The following LY6H variants were observed in gnomAD, a reference collection of about 807,000 sequenced individuals.
The protein encoded by LY6H is lymphocyte antigen 6H.
In LY6H, 8 loss-of-function variants were observed where a neutral mutation model predicts 14.6. The observed-to-expected ratio is 0.55, with a 90% CI of 0.32 to 0.99. The LOEUF (loss-of-function observed/expected upper bound fraction) is 0.99, where lower values mean the gene tolerates loss of function less well. Among genes scored for constraint, LY6H ranks in the 50% least tolerant of loss-of-function variants. The pLI is 0.04. For missense variants in LY6H, 196 were observed against 219.6 expected, an observed-to-expected ratio of 0.89 and a Z score of 0.68; for synonymous variants, 115 against 97.2, an observed-to-expected ratio of 1.18 and a Z score of -1.08.
intron 1 of LY6H, 190 bp downstream of exon 1, chr8:143,160,008 C>A (rs2130626342): frequency 2.5e-6 from 3 of 1,214,098 alleles, no homozygotes; most frequent in Non-Finnish European, 3.1e-6. Flanking sequence ...CAGGAATGAG[C>A]GGCAGGGGCG....
rs1335514719 is a variant in LY6H at position 143,160,225 on chromosome 8, C to T, written c.-26G>A. On this transcript the variant is annotated 5_prime_UTR_variant, in exon 1 of 4. Coordinates refer to ENST00000342752, the MANE Select transcript of LY6H (RefSeq NM_001135655.2). ...CCCGGGGGTGTCCGCACTCCGGGCT[C>T]GGGCGGCGTGCGCGGCGCGGGGAGC... 4.7e-6 allele frequency: 6 copies of T among 1,281,052 alleles called. No homozygotes were observed. Among genetic ancestry groups the T allele is most frequent in the Non-Finnish European group, 4.9e-6 (5 of 1,013,162 alleles). 79.4% of individuals were successfully genotyped at this position (1,281,052 alleles called of 1,614,324 possible).
In LY6H at chr8:143,159,658, GGGCCTGGGGGC is replaced by G; in HGVS notation, c.43_53del (p.Ala15HisfsTer81). Reference sequence around the variant, plus strand: ...TGGCTGCAGGCAGCATGCTCCGGGTGGGCCTGGGGGCGGCGCGGGGGCTTGGGGCGCGGGTC... The same window carrying G: ...TGGCTGCAGGCAGCATGCTCCGGGTGGGCGCGGGGGCTTGGGGCGCGGGTC... On this transcript the variant is annotated frameshift_variant, in exon 2 of 4. Coordinates refer to ENST00000342752, the MANE Select transcript of LY6H (RefSeq NM_001135655.2). LOFTEE classifies it high-confidence loss of function. 1 of 1,411,216 alleles carries G rather than the reference GGGCCTGGGGGC, an allele frequency of 7.1e-7. No homozygotes were observed. The highest frequency in any genetic ancestry group is 9.1e-7 in the Non-Finnish European group (1 of 1,094,332). 87.4% of individuals were successfully genotyped at this position (1,411,216 alleles called of 1,614,324 possible).
chr8:143,159,432 G>A lies in LY6H; in HGVS notation c.130+150C>T, dbSNP rs905681156. On this transcript the variant is annotated intron_variant, in intron 2 of 3. Coordinates refer to ENST00000342752, the MANE Select transcript of LY6H (RefSeq NM_001135655.2). ...TGCCGGGGCAGAGGGGCCGAGGGCCGGGCTGGGGTCGCAGGGGTCCCGGAG... is the reference window on the plus strand; with the variant it reads ...TGCCGGGGCAGAGGGGCCGAGGGCCAGGCTGGGGTCGCAGGGGTCCCGGAG... 7.5e-5 allele frequency: 67 copies of A among 892,890 alleles called. 1 individual carries two copies. Among genetic ancestry groups the A allele is most frequent in the Middle Eastern group, 3.6e-4 (1 of 2,772 alleles). The allele number at this position is 892,890 out of a possible 1,614,324, so 55.3% of individuals were successfully genotyped here.
rs1165281882 is a variant in LY6H at position 143,159,611 on chromosome 8, A to G, written c.101T>C (p.Leu34Pro). Reference protein sequence around the residue: ...PAAMKGLGLALLAVLLCSAPA... With the variant: ...PAAMKGLGLAPLAVLLCSAPA... ...CGCCGAGCACAGCAGGACGGCCAGCAGCGCCAGGCCGAGGCCCTTCATGGC... is the reference window on the plus strand; with the variant it reads ...CGCCGAGCACAGCAGGACGGCCAGCGGCGCCAGGCCGAGGCCCTTCATGGC... Residue 34 changes from leucine (L) to proline (P), a missense_variant, in exon 2 of 4, where the codon CTG (leucine) becomes CCG (proline). Physicochemically the swap from Leu to Pro is moderately conservative, Grantham distance 98. Transcript: ENST00000342752. 2.7e-6 allele frequency: 4 copies of G among 1,494,550 alleles called. No homozygotes were observed. The highest frequency in any genetic ancestry group is 2.7e-6 in the Non-Finnish European group (3 of 1,130,028). The allele number at this position is 1,494,550 out of a possible 1,614,324, so 92.6% of individuals were successfully genotyped here. A position where few individuals can be genotyped will look rare whatever the true frequency, so the allele number is the denominator to read the frequency against.
At chr8:143,160,335 G>A (rs1361719922), upstream of LY6H, 27 of 663,416 alleles carry the variant, frequency 4.1e-5, no homozygotes, top group Admixed American at 1.4e-4. Context: ...GACCCCGCGC[G>A]AGGGGCGGGG....
At position 143,160,233 on chromosome 8, in the gene LY6H, G is replaced by C. The variant is rs752448475; in HGVS notation, c.-34C>G. On this transcript the variant is annotated 5_prime_UTR_variant, in exon 1 of 4. Coordinates refer to ENST00000342752, the MANE Select transcript of LY6H (RefSeq NM_001135655.2). Reference sequence around the variant, plus strand: ...TGTCCGCACTCCGGGCTCGGGCGGCGTGCGCGGCGCGGGGAGCTGTGCCCT... The same window carrying C: ...TGTCCGCACTCCGGGCTCGGGCGGCCTGCGCGGCGCGGGGAGCTGTGCCCT... 12 of 1,281,142 alleles carry C rather than the reference G, an allele frequency of 9.4e-6. No individual in the cohort carries two copies. The highest frequency in any genetic ancestry group is 1.2e-5 in the Non-Finnish European group (12 of 1,013,508). 79.4% of individuals were successfully genotyped at this position (1,281,142 alleles called of 1,614,324 possible). A position where few individuals can be genotyped will look rare whatever the true frequency, so the allele number is the denominator to read the frequency against.
rs576938339 is a variant in LY6H at position 143,157,917 on chromosome 8, C to T, written c.*333G>A. ...GACACCCAGGCTCAGACCCGGGTCT[C>T]AGGACTCAAAAGTGACTTTATTTCT... On this transcript the variant is annotated 3_prime_UTR_variant, in exon 4 of 4. Coordinates refer to ENST00000342752, the MANE Select transcript of LY6H (RefSeq NM_001135655.2). The T allele has an allele frequency of 3.2e-6, 1 of 315,288 alleles. No homozygotes were observed. Among genetic ancestry groups the T allele is most frequent in the East Asian group, 5.5e-5 (1 of 18,218 alleles). 19.5% of individuals were successfully genotyped at this position (315,288 alleles called of 1,614,324 possible).
At chr8:143,158,518 C>T (rs374878829) in intron 3 of LY6H, 33 bp from the exon 4 acceptor site, 2 of 1,564,592 alleles carry the variant, frequency 1.3e-6, no homozygotes, top group East Asian at 2.2e-5. Context: ...GGGACGGGGG[C>T]TCCTCCTGGG....
In LY6H at chr8:143,160,222, G is replaced by A. The variant is rs767625495; in HGVS notation, c.-23C>T. On this transcript the variant is annotated 5_prime_UTR_variant, in exon 1 of 4. Coordinates refer to ENST00000342752, the MANE Select transcript of LY6H (RefSeq NM_001135655.2). ...CATCCCGGGGGTGTCCGCACTCCGG[G>A]CTCGGGCGGCGTGCGCGGCGCGGGG... 7.8e-7 allele frequency: 1 copy of A among 1,282,888 alleles called. No homozygotes were observed. The highest frequency in any genetic ancestry group is 3.3e-5 in the South Asian group (1 of 29,954). 79.5% of individuals were successfully genotyped at this position (1,282,888 alleles called of 1,614,324 possible). A position where few individuals can be genotyped will look rare whatever the true frequency, so the allele number is the denominator to read the frequency against.
chr8:143,159,998 C>G (rs1213760128), intron 1 of LY6H, 200 bp downstream of exon 1: 1 of 1,228,154 alleles, frequency 8.1e-7, no homozygotes, highest in East Asian at 3.2e-5. Flanking sequence ...TGCGTCCGGA[C>G]AGGAATGAGC....
At chr8:143,160,139 C>T (rs1434396750) in intron 1 of LY6H, 59 bp downstream of exon 1, 25 of 1,248,270 alleles carry the variant, frequency 2.0e-5, no homozygotes, top group Non-Finnish European at 2.5e-5. Flanking sequence ...GCGCGCGCCT[C>T]GGCGCTCACC....
chr8:143,159,682 TGG>T lies in LY6H; in HGVS notation c.28_29del (p.Pro10LysfsTer89), dbSNP rs910225794. The T allele has an allele frequency of 1.5e-4, 208 of 1,393,132 alleles. No individual in the cohort carries two copies. Among genetic ancestry groups the T allele is most frequent in the Non-Finnish European group, 1.8e-4 (198 of 1,084,162 alleles). 86.3% of individuals were successfully genotyped at this position (1,393,132 alleles called of 1,614,324 possible). A position where few individuals can be genotyped will look rare whatever the true frequency, so the allele number is the denominator to read the frequency against. MLAPQRTRA[P>X]SPRAAPRPTR... The stretch of plus-strand genomic sequence containing the variant: ...TGGGCCTGGGGGCGGCGCGGGGGCT[TGG>T]GGCGCGGGTCCTCTGGGGCGCAAGC... On this transcript the variant is annotated frameshift_variant, in exon 2 of 4. Transcript: ENST00000342752. LOFTEE classifies it high-confidence loss of function.
chr8:143,158,576 G>A (rs2130621593), intron 3 of LY6H, 91 bp from the exon 4 acceptor site: 1 of 1,304,096 alleles, frequency 7.7e-7, no homozygotes, highest in Non-Finnish European at 1.1e-6. Flanking sequence ...CTCCGGGTCA[G>A]CTCGGGGCCC....
At chr8:143,159,245 T>G in intron 2 of LY6H, 1 of 530,084 alleles carries the variant, frequency 1.9e-6, no homozygotes, top group Middle Eastern at 5.1e-4. Context: ...GCCTCACATA[T>G]CCCCCCCAGA....
chr8:143,159,964 C>G (rs1815558728), intron 1 of LY6H: 2 of 1,236,166 alleles, frequency 1.6e-6, no homozygotes, highest in East Asian at 3.2e-5. Context: ...GGGGGGCGTC[C>G]TCTTCTCCCC....
Position 143,159,360 on chromosome 8 carries a change from G to A in LY6H, c.130+222C>T, listed in dbSNP as rs1431758594. 4 of 570,160 alleles carry A rather than the reference G, an allele frequency of 7.0e-6. No individual in the cohort carries two copies. In the African/African-American group the frequency reaches 7.8e-5, roughly 11 times the overall value. 35.3% of individuals were successfully genotyped at this position (570,160 alleles called of 1,614,324 possible). ...CAAGGGCTTCCGTGCGGGGCCAGCCGCCCACCAGTTCCAGGCCCTGGAGGA... is the reference window on the plus strand; with the variant it reads ...CAAGGGCTTCCGTGCGGGGCCAGCCACCCACCAGTTCCAGGCCCTGGAGGA... On this transcript the variant is annotated intron_variant, in intron 2 of 3. Transcript: ENST00000342752.
At position 143,158,164 on chromosome 8, in the gene LY6H, C is replaced by A. The variant is rs896948153; in HGVS notation, c.*86G>T. On this transcript the variant is annotated 3_prime_UTR_variant, in exon 4 of 4. Transcript: ENST00000342752. ...GCCACGGAGCTGGGCCAAGGCTGCC[C>A]CCAGCCCCAGCCACGCCAGGCTGGG... The A allele has an allele frequency of 2.0e-6, 2 of 981,460 alleles. No individual in the cohort carries two copies. The highest frequency in any genetic ancestry group is 3.3e-5 in the African/African-American group (2 of 60,744). The allele number at this position is 981,460 out of a possible 1,614,324, so 60.8% of individuals were successfully genotyped here.
chr8:143,158,866 G>T lies in LY6H; in HGVS notation c.187C>A (p.Pro63Thr). 6.2e-7 allele frequency: 1 copy of T among 1,612,504 alleles called. No individual in the cohort carries two copies. Among genetic ancestry groups the T allele is most frequent in the Non-Finnish European group, 8.5e-7 (1 of 1,178,870 alleles). ...GTGTCGGACGGCTGGCACTGCTTTG[G>T]GGTGCAATGGCTGGAGTTGGTGGTC... ...TLTTNSSHCT[P>T]KQCQPSDTVC... Residue 63 changes from proline (P) to threonine (T), a missense_variant, in exon 3 of 4, where the codon CCA becomes ACA. By Grantham distance (38) the Pro-to-Thr change is conservative (BLOSUM62 -1). Coordinates refer to ENST00000342752, the MANE Select transcript of LY6H (RefSeq NM_001135655.2).
At position 143,158,475 on chromosome 8, in the gene LY6H, ATCCT is replaced by A; in HGVS notation, c.257_260del (p.Lys86IlefsTer4). 1 of 1,612,844 alleles carries A rather than the reference ATCCT, an allele frequency of 6.2e-7. No homozygotes were observed. Among genetic ancestry groups the A allele is most frequent in the Non-Finnish European group, 8.5e-7 (1 of 1,179,032 alleles). On this transcript the variant is annotated frameshift_variant, in exon 4 of 4. Transcript: ENST00000342752. LOFTEE classifies it high-confidence loss of function. ...AGGCACACATCTTGTTCACCGAGTG[ATCCT>A]TCCTGCCTGGGAAGAGAAAGCGTGG...
Sources: allele counts gnomAD v4.1 joint callset, GRCh38; gene constraint gnomAD v4.1.1; transcripts MANE v1.5; gene names NCBI Gene and HGNC (gene_info 2026-07-23, HGNC 2026-07-21).